Variants in LPGAT1 observed in about 807,000 individuals in gnomAD.
The protein encoded by LPGAT1 is lysophosphatidylglycerol acyltransferase 1.
LPGAT1 carries 11 observed loss-of-function variants against 47.5 expected under a neutral mutation model. That is an observed-to-expected ratio of 0.23 (90% CI 0.15 to 0.38). The LOEUF is 0.38. LPGAT1 is among the 10% of genes least tolerant of loss of function. The probability of loss-of-function intolerance (pLI) is 1.00; values close to 1 mark genes in which losing one functional copy is unlikely to be tolerated. For missense variants in LPGAT1, 293 were observed against 439.0 expected (o/e 0.67, Z 2.97); for synonymous variants, 138 against 144.2 (o/e 0.96, Z 0.31).
chr1:211,788,910 T>TA, intron 3 of LPGAT1, among the ~76,000 whole-genome samples: 1 of 152,186 alleles, frequency 6.6e-6, no homozygotes, highest in Middle Eastern at 3.4e-3. Flanking sequence ...TGGAAAAAAC[T>TA]AAAACACTGA....
Position 211,749,963 on chromosome 1 carries a change from A to C in LPGAT1, c.1049T>G (p.Phe350Cys), listed in dbSNP as rs746681770. ...CCACATATAGCCTGACAAAAATGCA[A>C]AAGACTGTATGAGAAATATCCACAA... ...SNLWIFLIQS[F>C]AFLSGYMWYN... The change falls in exon 8 of 8, where the codon TTT becomes TGT. Residue 350 changes from phenylalanine (F) to cysteine (C), a missense_variant. Physicochemically the swap from Phe to Cys is radical, Grantham distance 205. Coordinates refer to ENST00000366997, the MANE Select transcript of LPGAT1 (RefSeq NM_014873.3). The C allele has an allele frequency of 4.0e-5, 65 of 1,613,980 alleles. No individual in the cohort carries two copies. Among genetic ancestry groups the C allele is most frequent in the Non-Finnish European group, 5.4e-5 (64 of 1,179,974 alleles).
At chr1:211,825,065 T>C (rs1401004100) in intron 2 of LPGAT1, among the ~76,000 whole-genome samples, 1 of 152,088 alleles carries the variant, frequency 6.6e-6, no homozygotes, top group African/African-American at 2.4e-5. Context: ...GCAAGTCCCC[T>C]GGCATTTCAG....
Position 211,825,524 on chromosome 1 carries a change from T to G in LPGAT1, c.238+3535A>C, listed in dbSNP as rs553229280. On this transcript the variant is annotated intron_variant, in intron 2 of 7. Coordinates refer to ENST00000366997, the MANE Select transcript of LPGAT1 (RefSeq NM_014873.3). ...CTCCGGGGGGTGGGGTACTGATTTA[T>G]CCTAGATCCAAATAAAGCATGCAGA... is the stretch of plus-strand genomic sequence containing the variant. Among the ~76,000 whole-genome samples the G allele has an allele frequency of 5.6e-4, 86 of 152,326 alleles. 1 individual carries two copies. Among genetic ancestry groups the G allele is most frequent in the African/African-American group, 2.0e-3 (84 of 41,580 alleles).
At chr1:211,773,782 C>T (rs1430334789) in intron 6 of LPGAT1, among the ~76,000 whole-genome samples, 1 of 152,072 alleles carries the variant, frequency 6.6e-6, no homozygotes, top group African/African-American at 2.4e-5. Flanking sequence ...AAGCTGTCTT[C>T]CAGTTTGATA....
chr1:211,812,541 T>C (rs1337728754), intron 2 of LPGAT1, among the ~76,000 whole-genome samples: 1 of 152,120 alleles, frequency 6.6e-6, no homozygotes. Flanking sequence ...GTGCAAAGGT[T>C]CTATGGAAAG....
At chr1:211,776,956 G>T (rs915813740) in intron 6 of LPGAT1, among the ~76,000 whole-genome samples, 2 of 151,958 alleles carry the variant, frequency 1.3e-5, no homozygotes, top group Admixed American at 6.6e-5. Flanking sequence ...CAAGAGAAAG[G>T]GATCTAATCC....
Position 211,830,630 on chromosome 1 carries a change from A to G in LPGAT1, c.-85T>C. ...GGAGTCAGAGGAGCCGGAAGAATGC[A>G]TGGCCGGCGGCGGGGCCGGCGGAAG... On this transcript the variant is annotated 5_prime_UTR_variant, in exon 1 of 8. The change abolishes an upstream ATG in the 5' untranslated region. Coordinates refer to ENST00000366997, the MANE Select transcript of LPGAT1 (RefSeq NM_014873.3). This position sits in a 1 kb window ranked among gnomAD's most constrained non-coding sequence, Gnocchi z 5.9. 8.3e-7 allele frequency: 1 copy of G among 1,201,038 alleles called. No homozygotes were observed. The highest frequency in any genetic ancestry group is 1.0e-6 in the Non-Finnish European group (1 of 968,258). 74.4% of individuals were successfully genotyped at this position (1,201,038 alleles called of 1,614,324 possible).
chr1:211,803,319 TG>T (rs978452722), intron 2 of LPGAT1, among the ~76,000 whole-genome samples: 1 of 152,056 alleles, frequency 6.6e-6, no homozygotes, highest in African/African-American at 2.4e-5. Context: ...AAAAAGAAAT[TG>T]GGAACACAGC....
intron 6 of LPGAT1, among the ~76,000 whole-genome samples, chr1:211,760,310 C>G (rs139203212): frequency 0.024 from 3,582 of 152,244 alleles, 66 homozygotes; most frequent in Non-Finnish European, 0.03. Flanking sequence ...AAAAAATTAG[C>G]CAGGCGTGGT....
At chr1:211,756,724 TAAG>T (rs1657471093) in intron 6 of LPGAT1, among the ~76,000 whole-genome samples, 1 of 152,208 alleles carries the variant, frequency 6.6e-6, no homozygotes, top group African/African-American at 2.4e-5. Flanking sequence ...CCTTTACTCC[TAAG>T]TAATTTAAAG....
At chr1:211,806,143 C>G (rs542795080) in intron 2 of LPGAT1, among the ~76,000 whole-genome samples, 1 of 151,772 alleles carries the variant, frequency 6.6e-6, no homozygotes, top group African/African-American at 2.4e-5. Context: ...GCCTGTAGTC[C>G]CGGGTACTTG....
chr1:211,825,033 G>T (rs1371839873), intron 2 of LPGAT1, among the ~76,000 whole-genome samples: 1 of 151,830 alleles, frequency 6.6e-6, no homozygotes, highest in Non-Finnish European at 1.5e-5. Flanking sequence ...AAAACTGTTT[G>T]CTACGTAAAA....
At chr1:211,776,209 AACT>A (rs1658393376) in intron 6 of LPGAT1, among the ~76,000 whole-genome samples, 2 of 152,312 alleles carry the variant, frequency 1.3e-5, no homozygotes, top group South Asian at 2.1e-4. Flanking sequence ...AGGATGGATT[AACT>A]ACTTTCTGAC....
chr1:211,778,851 A>T, intron 6 of LPGAT1, 67 bp downstream of exon 6: 2 of 1,265,772 alleles, frequency 1.6e-6, no homozygotes, highest in Non-Finnish European at 2.1e-6. Context: ...ACTAAATATT[A>T]AGACATTCAT....
intron 2 of LPGAT1, among the ~76,000 whole-genome samples, chr1:211,804,747 G>A (rs1659693761): frequency 6.6e-6 from 1 of 152,160 alleles, no homozygotes; most frequent in Non-Finnish European, 1.5e-5. Context: ...ATTGATTACA[G>A]TAAAGTGCTA....
At position 211,830,638 on chromosome 1, in the gene LPGAT1, C is replaced by G. The variant is rs1229264988; in HGVS notation, c.-93G>C. ...AGGAGCCGGAAGAATGCATGGCCGG[C>G]GGCGGGGCCGGCGGAAGAAGGCGGT... On this transcript the variant is annotated 5_prime_UTR_variant, in exon 1 of 8. Transcript: ENST00000366997. This position sits in a 1 kb window ranked among gnomAD's most constrained non-coding sequence, Gnocchi z 5.9. 12 of 1,202,856 alleles carry G rather than the reference C, an allele frequency of 1.0e-5. No individual in the cohort carries two copies. The highest frequency in any genetic ancestry group is 1.2e-5 in the Non-Finnish European group (12 of 969,334). 74.5% of individuals were successfully genotyped at this position (1,202,856 alleles called of 1,614,324 possible).
At chr1:211,818,698 T>C (rs1406887316) in intron 2 of LPGAT1, among the ~76,000 whole-genome samples, 1 of 152,188 alleles carries the variant, frequency 6.6e-6, no homozygotes, top group Non-Finnish European at 1.5e-5. Flanking sequence ...ATCTTTAAAG[T>C]TCTCAAGGCA....
chr1:211,819,756 G>A (rs532317578), intron 2 of LPGAT1, among the ~76,000 whole-genome samples: 25 of 152,188 alleles, frequency 1.6e-4, no homozygotes, highest in Non-Finnish European at 2.8e-4. Flanking sequence ...AGGCCGAGGC[G>A]GATGGATCAC....
chr1:211,774,887 T>C (rs1658333131), intron 6 of LPGAT1, among the ~76,000 whole-genome samples: 1 of 152,218 alleles, frequency 6.6e-6, no homozygotes, highest in African/African-American at 2.4e-5. Context: ...TAAGTGTCAG[T>C]ACAGAAATTT....
Sources: allele counts gnomAD v4.1 joint callset (sites outside exome capture counted in the v4.1 genomes callset), GRCh38; gene constraint gnomAD v4.1.1; non-coding constraint Gnocchi (gnomAD v3.1); transcripts MANE v1.5; gene names NCBI Gene and HGNC (gene_info 2026-07-23, HGNC 2026-07-21).